The following ZRANB3 variants were observed in gnomAD, a reference collection of about 807,000 sequenced individuals.
The protein encoded by ZRANB3 is DNA annealing helicase and endonuclease ZRANB3.
In ZRANB3, 125 loss-of-function variants were observed where a neutral mutation model predicts 133.8. The observed-to-expected ratio is 0.93, with a 90% confidence interval of 0.81 to 1.08. The LOEUF is 1.08. Ranked by LOEUF, ZRANB3 falls within the 50% of genes least tolerant of loss-of-function variation. The pLI is 0.00. For synonymous variants in ZRANB3, 387 were observed against 432.7 expected, an observed-to-expected ratio of 0.89 and a Z score of 1.31; for missense variants, 1,229 against 1,275.5, an observed-to-expected ratio of 0.96 and a Z score of 0.56.
At chr2:135,272,965 C>T (rs1419363076) in intron 9 of ZRANB3, among the ~76,000 whole-genome samples, 6 of 151,776 alleles carry the variant, frequency 4.0e-5, no homozygotes, top group African/African-American at 1.5e-4. Context: ...GGATGGATCA[C>T]GAGGTCAGGA....
intron 7 of ZRANB3, among the ~76,000 whole-genome samples, 155 bp from the exon 8 acceptor site, chr2:135,313,760 T>C (rs1344691780): frequency 6.6e-6 from 1 of 152,232 alleles, no homozygotes; most frequent in South Asian, 2.1e-4. Context: ...TTTAAAAACA[T>C]CAATGCAGAG....
At chr2:135,255,466 T>C (rs1311422349) in intron 12 of ZRANB3, among the ~76,000 whole-genome samples, 1 of 152,210 alleles carries the variant, frequency 6.6e-6, no homozygotes, top group South Asian at 2.1e-4. Context: ...TTTCTGCCTA[T>C]AAAACTCACC....
At chr2:135,337,159 C>T (rs1157207703) in intron 6 of ZRANB3, among the ~76,000 whole-genome samples, 1 of 152,188 alleles carries the variant, frequency 6.6e-6, no homozygotes, top group Admixed American at 6.5e-5. Flanking sequence ...CTAATCTAAA[C>T]CCGATACCCA....
chr2:135,318,786 G>T (rs751830417), intron 6 of ZRANB3, among the ~76,000 whole-genome samples: 10 of 151,956 alleles, frequency 6.6e-5, no homozygotes, highest in Non-Finnish European at 1.3e-4. Context: ...GACGTAAAAA[G>T]AATCTTAAAA....
intron 12 of ZRANB3, among the ~76,000 whole-genome samples, chr2:135,251,350 T>C (rs772632281): frequency 6.6e-6 from 1 of 152,338 alleles, no homozygotes; most frequent in Middle Eastern, 3.4e-3. Context: ...TGTGGACTTC[T>C]GGGTTAATGC....
At position 135,267,059 on chromosome 2, in the gene ZRANB3, A is replaced by G. The variant is rs182932410; in HGVS notation, c.1387-1373T>C. On this transcript the variant is annotated intron_variant, in intron 11 of 20. Transcript: ENST00000264159. ...CAGAATCTCCTGGGGCTGTGTCATG[A>G]GCCACTGTCATTCATATTTGGCTCA... Among the ~76,000 whole-genome samples, 3 of 152,350 alleles carry G rather than the reference A, an allele frequency of 2.0e-5. No homozygotes were observed. The East Asian group carries it at 5.8e-4, about 29-fold the overall frequency.
intron 2 of ZRANB3, among the ~76,000 whole-genome samples, chr2:135,496,095 C>A (rs1049052158): frequency 1.3e-5 from 2 of 152,046 alleles, no homozygotes; most frequent in African/African-American, 4.8e-5. Flanking sequence ...AAAATTTCCA[C>A]AGACTGGCCA....
chr2:135,395,730 T>C (rs1475369152), intron 2 of ZRANB3, among the ~76,000 whole-genome samples: 1 of 152,112 alleles, frequency 6.6e-6, no homozygotes, highest in Non-Finnish European at 1.5e-5. Flanking sequence ...AGTGCTGGGA[T>C]TACAGGGGTG....
At chr2:135,502,557 C>T (rs144631168) in intron 2 of ZRANB3, among the ~76,000 whole-genome samples, 46 of 152,280 alleles carry the variant, frequency 3.0e-4, no homozygotes, top group African/African-American at 1.1e-3. Context: ...GAAGCATGCA[C>T]AGCATCACAG....
chr2:135,338,069 C>A (rs139189105), intron 6 of ZRANB3, among the ~76,000 whole-genome samples: 10 of 152,230 alleles, frequency 6.6e-5, no homozygotes, highest in South Asian at 2.1e-4. Flanking sequence ...TGTCAATTTT[C>A]AGAGCAATTT....
chr2:135,510,531 A>G (rs777273884), intron 1 of ZRANB3: 21 of 646,770 alleles, frequency 3.2e-5, no homozygotes, highest in Non-Finnish European at 5.4e-5. Flanking sequence ...TGGCCGCGTG[A>G]AGATCCATGA....
intron 2 of ZRANB3, among the ~76,000 whole-genome samples, chr2:135,403,466 T>A (rs926252959): frequency 6.6e-6 from 1 of 152,212 alleles, no homozygotes; most frequent in South Asian, 2.1e-4. Flanking sequence ...AAGCTCCAAC[T>A]GTGTGGAGCC....
At chr2:135,370,420 A>G (rs1385333009) in intron 3 of ZRANB3, among the ~76,000 whole-genome samples, 4 of 152,242 alleles carry the variant, frequency 2.6e-5, no homozygotes, top group Non-Finnish European at 4.4e-5. Context: ...GAGTGAGAAC[A>G]TATGATGTTT....
chr2:135,339,575 C>T (rs1684535580), intron 6 of ZRANB3, among the ~76,000 whole-genome samples: 1 of 152,174 alleles, frequency 6.6e-6, no homozygotes, highest in Admixed American at 6.5e-5. Context: ...AAGCAAGACC[C>T]TGTCTCAAAA....
At chr2:135,224,750 A>G (rs1694693044) in intron 14 of ZRANB3, among the ~76,000 whole-genome samples, 1 of 152,236 alleles carries the variant, frequency 6.6e-6, no homozygotes, top group African/African-American at 2.4e-5. Context: ...TCTAACAAGA[A>G]ACAAACAGAT....
chr2:135,384,021 C>T (rs1027974877), intron 3 of ZRANB3, among the ~76,000 whole-genome samples: 1 of 151,934 alleles, frequency 6.6e-6, no homozygotes, highest in Admixed American at 6.6e-5. Context: ...GGTAGAGACA[C>T]AAAAAACCCT....
At chr2:135,480,612 T>TTTATTA (rs913384726) in intron 2 of ZRANB3, among the ~76,000 whole-genome samples, 3 of 151,732 alleles carry the variant, frequency 2.0e-5, no homozygotes, top group African/African-American at 4.8e-5. Flanking sequence ...TTTTTAATCT[T>TTTATTA]TTATTATTAT....
chr2:135,313,520 G>C lies in ZRANB3; in HGVS notation c.935C>G (p.Thr312Ser), dbSNP rs1239346657. 2 of 1,613,416 alleles carry C rather than the reference G, an allele frequency of 1.2e-6. No homozygotes were observed. Among genetic ancestry groups the C allele is most frequent in the Admixed American group, 3.3e-5 (2 of 59,980 alleles). Residue 312 changes from threonine to serine, a missense_variant, in exon 8 of 21, where the codon ACT (threonine) becomes AGT (serine). Transcript: ENST00000264159. ...AATAGCAGTTTGTTTAAACATGCGAGTTATCAACCCCATGACTGTCTCCAT... is the reference window on the plus strand; with the variant it reads ...AATAGCAGTTTGTTTAAACATGCGACTTATCAACCCCATGACTGTCTCCAT... ...GAMETVMGLITRMFKQTAIAK... is the reference protein window; with the variant it reads ...GAMETVMGLISRMFKQTAIAK...
chr2:135,384,293 G>A (rs1027917487), intron 3 of ZRANB3, among the ~76,000 whole-genome samples: 2 of 152,112 alleles, frequency 1.3e-5, no homozygotes, highest in Non-Finnish European at 2.9e-5. Context: ...GACTAAACCA[G>A]GAAGAAGTTG....
Sources: gnomAD v4.1 joint callset for allele counts (sites outside exome capture counted in the v4.1 genomes callset) on GRCh38, gnomAD v4.1.1 for gene constraint, MANE v1.5 for transcripts, NCBI Gene and HGNC (gene_info 2026-07-23, HGNC 2026-07-21) for gene names.